CHD9: variants seen among roughly 807,000 people sequenced by gnomAD.
The protein encoded by CHD9 is chromodomain helicase DNA binding protein 9.
CHD9 carries 77 observed loss-of-function variants against 316.1 expected under a neutral mutation model. That is an observed-to-expected ratio of 0.24 (90% confidence interval 0.20 to 0.29). The LOEUF (loss-of-function observed/expected upper bound fraction) is 0.29. Among genes scored for constraint, CHD9 ranks in the 10% least tolerant of loss-of-function variants. The pLI is 1.00. For missense variants in CHD9, 2,763 were observed against 3,438.1 expected (o/e 0.80, Z 4.91); for synonymous variants, 1,129 against 1,158.3 (o/e 0.97, Z 0.51).
At chr16:53,274,098 A>C in intron 23 of CHD9, 115 bp from the exon 24 acceptor site, 1 of 716,838 alleles carries the variant, frequency 1.4e-6, no homozygotes, top group East Asian at 2.7e-5. Flanking sequence ...ATCAGAAGTA[A>C]TATTTCATTA....
intron 2 of CHD9, among the ~76,000 whole-genome samples, chr16:53,205,806 T>G (rs938662750): frequency 1.3e-5 from 2 of 152,176 alleles, no homozygotes; most frequent in African/African-American, 4.8e-5. Context: ...ATCTGCATCT[T>G]ACATTCCAGC....
intron 2 of CHD9, chr16:53,169,038 C>T (rs2042482710): frequency 6.6e-6 from 1 of 152,096 alleles, no homozygotes; most frequent in Non-Finnish European, 1.5e-5. Context: ...TTGGTGAAAC[C>T]CTGTCTCTAC....
At chr16:53,071,433 C>G (rs1347424255) in intron 1 of CHD9, among the ~76,000 whole-genome samples, 1 of 152,152 alleles carries the variant, frequency 6.6e-6, no homozygotes, top group African/African-American at 2.4e-5. Context: ...ATGTGAGCCC[C>G]TACCCATTCA....
At chr16:53,179,064 T>C (rs1358414564) in intron 2 of CHD9, among the ~76,000 whole-genome samples, 1 of 152,208 alleles carries the variant, frequency 6.6e-6, no homozygotes, top group Non-Finnish European at 1.5e-5. Flanking sequence ...TGAATACATA[T>C]ATGTGAATCA....
chr16:53,136,342 A>C (rs1567359221), intron 1 of CHD9, among the ~76,000 whole-genome samples: 1 of 152,194 alleles, frequency 6.6e-6, no homozygotes, highest in Non-Finnish European at 1.5e-5. Flanking sequence ...TTTACTTACT[A>C]ATCAGTAGCA....
At position 53,163,443 on chromosome 16, in the gene CHD9, C is replaced by G. The variant is rs146160077; in HGVS notation, c.1452+5902C>G. On this transcript the variant is annotated intron_variant, in intron 2 of 38. Coordinates refer to ENST00000447540, the MANE Select transcript of CHD9 (RefSeq NM_001308319.2). ...CAGGCTGGTCTTGAACTACCGACCTCAGGTGATCTGCCTGCCTCGGCCTCC... is the reference window on the plus strand; with the variant it reads ...CAGGCTGGTCTTGAACTACCGACCTGAGGTGATCTGCCTGCCTCGGCCTCC... Among the ~76,000 whole-genome samples, 329 of 152,282 alleles carry G rather than the reference C, an allele frequency of 2.2e-3. 1 individual carries two copies. Among genetic ancestry groups the G allele is most frequent in the African/African-American group, 7.7e-3 (318 of 41,544 alleles).
At chr16:53,068,345 G>A (rs544609429) in intron 1 of CHD9, among the ~76,000 whole-genome samples, 1 of 152,334 alleles carries the variant, frequency 6.6e-6, no homozygotes, top group African/African-American at 2.4e-5. Context: ...CAAGACAACA[G>A]GCTTGTGTGG....
intron 17 of CHD9, 148 bp downstream of exon 17, chr16:53,250,214 G>A (rs1201694258): frequency 1.6e-6 from 1 of 613,238 alleles, no homozygotes; most frequent in East Asian, 3.0e-5. Flanking sequence ...AATAGGTGAA[G>A]TTATTTTAAT....
intron 1 of CHD9, among the ~76,000 whole-genome samples, chr16:53,137,507 T>A (rs1470259236): frequency 6.6e-6 from 1 of 152,238 alleles, no homozygotes; most frequent in East Asian, 1.9e-4. Context: ...TTATGGTTTT[T>A]CAAATTTGTT....
chr16:53,319,581 T>G (rs1352086297), intron 37 of CHD9, among the ~76,000 whole-genome samples: 1 of 152,218 alleles, frequency 6.6e-6, no homozygotes, highest in East Asian at 1.9e-4. Flanking sequence ...CTTGTGCAGA[T>G]TTTGTTACAA....
chr16:53,255,137 C>T (rs987745012), intron 18 of CHD9, among the ~76,000 whole-genome samples: 1 of 151,810 alleles, frequency 6.6e-6, no homozygotes, highest in Non-Finnish European at 1.5e-5. Flanking sequence ...ATGGCAAGAC[C>T]CTGTCTCTAT....
chr16:53,121,397 C>A (rs1457885992), intron 1 of CHD9: 1 of 455,964 alleles, frequency 2.2e-6, no homozygotes, highest in East Asian at 6.9e-5. Context: ...AGGAAACCAG[C>A]AAACCGTCTT....
chr16:53,187,756 C>T (rs192849181), intron 2 of CHD9, among the ~76,000 whole-genome samples: 177 of 152,166 alleles, frequency 1.2e-3, no homozygotes, highest in African/African-American at 4.1e-3. Flanking sequence ...TAAGAAGTAA[C>T]TGGTGACCTT....
At chr16:53,192,436 T>G (rs2044554137) in intron 2 of CHD9, among the ~76,000 whole-genome samples, 1 of 152,240 alleles carries the variant, frequency 6.6e-6, no homozygotes. Context: ...TGGTATTAGC[T>G]TCTTAGTATG....
At position 53,200,318 on chromosome 16, in the gene CHD9, C is replaced by A. The variant is rs141590100; in HGVS notation, c.1453-9164C>A. Among the ~76,000 whole-genome samples, 1,323 of 149,266 alleles carry A rather than the reference C, an allele frequency of 8.9e-3. 22 individuals carry two copies. The highest frequency in any genetic ancestry group is 0.031 in the African/African-American group (1,244 of 40,382). On this transcript the variant is annotated intron_variant, in intron 2 of 38. Coordinates refer to ENST00000447540, the MANE Select transcript of CHD9 (RefSeq NM_001308319.2). Reference sequence around the variant, plus strand: ...CCCAGGAGGCAGGGGTTGCAGTGAGCCAAGATCACACCACTGCACTCCATT... The same window carrying A: ...CCCAGGAGGCAGGGGTTGCAGTGAGACAAGATCACACCACTGCACTCCATT...
chr16:53,070,177 A>G (rs1001070350), intron 1 of CHD9, among the ~76,000 whole-genome samples: 1 of 152,086 alleles, frequency 6.6e-6, no homozygotes, highest in East Asian at 1.9e-4. Context: ...CCAGATAACA[A>G]TTCCAAGTAT....
chr16:53,204,753 C>A (rs2045761991), intron 2 of CHD9, among the ~76,000 whole-genome samples: 1 of 151,996 alleles, frequency 6.6e-6, no homozygotes, highest in South Asian at 2.1e-4. Context: ...CATATGATAT[C>A]ATCTCTTGTA....
At chr16:53,151,535 C>T (rs1045115361) in intron 1 of CHD9, among the ~76,000 whole-genome samples, 41 of 152,040 alleles carry the variant, frequency 2.7e-4, no homozygotes, top group Admixed American at 1.0e-3. Flanking sequence ...GGATTACAGG[C>T]GTGAGACACC....
At chr16:53,120,296 A>G (rs1168335304) in intron 1 of CHD9, among the ~76,000 whole-genome samples, 1 of 152,166 alleles carries the variant, frequency 6.6e-6, no homozygotes, top group Non-Finnish European at 1.5e-5. Context: ...TTCTGGAAAT[A>G]AAATGCCTGT....
Sources: gnomAD v4.1 joint callset for allele counts (sites outside exome capture counted in the v4.1 genomes callset) on GRCh38, gnomAD v4.1.1 for gene constraint, MANE v1.5 for transcripts, NCBI Gene and HGNC (gene_info 2026-07-23, HGNC 2026-07-21) for gene names.